The following NXN variants were observed in gnomAD, a reference collection of about 807,000 sequenced individuals.
NXN encodes the protein nucleoredoxin.
In NXN, 16 loss-of-function variants were observed where a neutral mutation model predicts 48.6. That is an observed-to-expected ratio of 0.33 (90% CI 0.22 to 0.50). The LOEUF is 0.50. Ranked by LOEUF, NXN falls within the 20% of genes least tolerant of loss-of-function variation. NXN has a pLI of 0.98. For missense variants in NXN, 492 were observed against 605.5 expected (o/e 0.81, Z 1.97); for synonymous variants, 281 against 269.6 (o/e 1.04, Z -0.41).
intron 5 of NXN, among the ~76,000 whole-genome samples, chr17:814,633 A>G (rs1368031736): frequency 1.3e-5 from 2 of 152,194 alleles, no homozygotes; most frequent in African/African-American, 4.8e-5. Context: ...CCAACTGTCC[A>G]TCTCATCCTG....
intron 1 of NXN, among the ~76,000 whole-genome samples, chr17:975,521 C>A (rs533048770): frequency 5.9e-5 from 9 of 152,228 alleles, no homozygotes; most frequent in African/African-American, 2.2e-4. Flanking sequence ...ACTCCACTTC[C>A]CCTGGCTGGA....
At chr17:802,150 C>G (rs1187921059) in intron 7 of NXN, among the ~76,000 whole-genome samples, 1 of 151,988 alleles carries the variant, frequency 6.6e-6, no homozygotes, top group African/African-American at 2.4e-5. Context: ...GAGATAGAGT[C>G]TCTTTCTGTT....
intron 1 of NXN, among the ~76,000 whole-genome samples, chr17:855,489 A>T (rs2067975503): frequency 6.6e-6 from 1 of 152,168 alleles, no homozygotes; most frequent in South Asian, 2.1e-4. Flanking sequence ...AATGTGGGTA[A>T]AATTTCCCCC....
chr17:850,046 G>A (rs1410657397), intron 1 of NXN, among the ~76,000 whole-genome samples: 1 of 152,118 alleles, frequency 6.6e-6, no homozygotes. Context: ...TCCACCTAAG[G>A]CAGCTGGAGT....
chr17:937,965 C>T (rs981071484), intron 1 of NXN, among the ~76,000 whole-genome samples: 3 of 152,188 alleles, frequency 2.0e-5, no homozygotes, highest in Admixed American at 6.5e-5. Context: ...AGCCACGGGG[C>T]GCAGGGGCCG....
chr17:902,928 T>C (rs1384000901), intron 1 of NXN, among the ~76,000 whole-genome samples: 1 of 150,944 alleles, frequency 6.6e-6, no homozygotes, highest in Non-Finnish European at 1.5e-5. Context: ...CACCATCACG[T>C]CTGGCTAATT....
chr17:931,397 G>A (rs1416994646), intron 1 of NXN, among the ~76,000 whole-genome samples: 1 of 150,986 alleles, frequency 6.6e-6, no homozygotes, highest in Non-Finnish European at 1.5e-5. Flanking sequence ...AGGTTGTAGT[G>A]AGCAGAGATC....
rs1913411420 is a variant in NXN at position 830,774 on chromosome 17, G to A, written c.361-4696C>T. Among the ~76,000 whole-genome samples, 1 of 152,278 alleles carries A rather than the reference G, an allele frequency of 6.6e-6. No homozygotes were observed. Among genetic ancestry groups the A allele is most frequent in the East Asian group, 1.9e-4 (1 of 5,186 alleles). ...CCAGCAGTTTGGGAGGCCAAGGTGGGCAGATCATCTGAGGTCAGGAGTTCG... is the reference window on the plus strand; with the variant it reads ...CCAGCAGTTTGGGAGGCCAAGGTGGACAGATCATCTGAGGTCAGGAGTTCG... On this transcript the variant is annotated intron_variant, in intron 1 of 7. Coordinates refer to ENST00000336868, the MANE Select transcript of NXN (RefSeq NM_022463.5). The surrounding 1 kb of genome is among the most constrained non-coding windows in gnomAD (Gnocchi z 4.2).
chr17:809,292 G>A (rs896618048), intron 5 of NXN, among the ~76,000 whole-genome samples: 2 of 152,210 alleles, frequency 1.3e-5, no homozygotes, highest in African/African-American at 4.8e-5. Context: ...GACATGAGTG[G>A]CGCCTACAGA....
rs754597776 is a variant in NXN, at chr17:958,455, C to T, written c.360+20864G>A. Among the ~76,000 whole-genome samples, 3 of 151,482 alleles carry T rather than the reference C, an allele frequency of 2.0e-5. No homozygotes were observed. The highest frequency in any genetic ancestry group is 6.6e-5 in the Admixed American group (1 of 15,200). On this transcript the variant is annotated intron_variant, in intron 1 of 7. Transcript: ENST00000336868. This position sits in a 1 kb window ranked among gnomAD's most constrained non-coding sequence, Gnocchi z 6.9. ...TGAGGCCAGGCGTTCAAAACCAGCCCGGGCAACATAGCAGGACTCCAACTC... is the reference window on the plus strand; with the variant it reads ...TGAGGCCAGGCGTTCAAAACCAGCCTGGGCAACATAGCAGGACTCCAACTC...
At chr17:870,049 G>C (rs1159986406) in intron 1 of NXN, among the ~76,000 whole-genome samples, 2 of 152,126 alleles carry the variant, frequency 1.3e-5, no homozygotes, top group African/African-American at 4.8e-5. Flanking sequence ...ATTGCGGGGT[G>C]GAGTGTTACT....
At chr17:965,926 C>T (rs979430884) in intron 1 of NXN, among the ~76,000 whole-genome samples, 3 of 151,966 alleles carry the variant, frequency 2.0e-5, no homozygotes, top group African/African-American at 7.2e-5. Flanking sequence ...ACCAGCCTGA[C>T]CAACATGGTG....
At chr17:913,691 G>A (rs374262775) in intron 1 of NXN, among the ~76,000 whole-genome samples, 7 of 151,898 alleles carry the variant, frequency 4.6e-5, no homozygotes, top group South Asian at 2.1e-4. Context: ...TGCAGAGACC[G>A]GGACCCTTCT....
chr17:816,246 C>T (rs1011202629), intron 5 of NXN, among the ~76,000 whole-genome samples: 1 of 152,120 alleles, frequency 6.6e-6, no homozygotes, highest in African/African-American at 2.4e-5. Context: ...GTTCTGGGGA[C>T]GAAGACCTGA....
At chr17:828,330 C>T (rs995451936) in intron 1 of NXN, among the ~76,000 whole-genome samples, 27 of 150,908 alleles carry the variant, frequency 1.8e-4, no homozygotes, top group African/African-American at 5.9e-4. Context: ...TCTCGAACTC[C>T]TGACCTCAGG....
Position 806,380 on chromosome 17 carries a change from G to A in NXN, c.821-1133C>T, listed in dbSNP as rs574865832. ...AAAGCTTGCCTGCAAACCAGAAACC[G>A]CGCAACCCCAGCCAAAAAGCCTTCA... is the stretch of plus-strand genomic sequence containing the variant. On this transcript the variant is annotated intron_variant, in intron 5 of 7. Coordinates refer to ENST00000336868, the MANE Select transcript of NXN (RefSeq NM_022463.5). Among the ~76,000 whole-genome samples the A allele has an allele frequency of 8.1e-4, 122 of 151,354 alleles. 1 individual carries two copies. Among genetic ancestry groups the A allele is most frequent in the African/African-American group, 2.9e-3 (118 of 41,286 alleles).
Position 823,341 on chromosome 17 carries a change from G to A in NXN, c.612+291C>T, listed in dbSNP as rs145315421. 5.6e-3 allele frequency among the ~76,000 whole-genome samples: 849 copies of A among 152,098 alleles called. 8 individuals carry two copies. The highest frequency in any genetic ancestry group is 0.02 in the African/African-American group (810 of 41,488). ...TTGAACCCAGGAGGCAAAGGTTGCA[G>A]TGAACTGAGATCGCGCCACTGCACT... is the stretch of plus-strand genomic sequence containing the variant. On this transcript the variant is annotated intron_variant, in intron 3 of 7. Transcript: ENST00000336868.
At chr17:960,922 C>G (rs184012650) in intron 1 of NXN, among the ~76,000 whole-genome samples, 1,970 of 151,506 alleles carry the variant, frequency 0.013, 20 homozygotes, top group South Asian at 0.018. Context: ...GTAGCTGGGA[C>G]TACAGGCACC....
intron 1 of NXN, among the ~76,000 whole-genome samples, chr17:931,662 C>T (rs1164236896): frequency 1.3e-5 from 2 of 149,954 alleles, no homozygotes; most frequent in Non-Finnish European, 3.0e-5. Flanking sequence ...CAGTGAAACC[C>T]TGTCTCTGCT....
Sources: allele counts gnomAD v4.1 joint callset (sites outside exome capture counted in the v4.1 genomes callset), GRCh38; gene constraint gnomAD v4.1.1; non-coding constraint Gnocchi (gnomAD v3.1); transcripts MANE v1.5; gene names NCBI Gene and HGNC (gene_info 2026-07-23, HGNC 2026-07-21).